CCDC170: variants seen among roughly 807,000 people sequenced by gnomAD.
CCDC170 encodes the protein coiled-coil domain containing 170.
Under a neutral mutation model 72.6 loss-of-function variants are expected in CCDC170, and 69 were observed. The observed-to-expected ratio is 0.95, with a 90% CI of 0.78 to 1.16. The LOEUF (loss-of-function observed/expected upper bound fraction) is 1.16, where lower values mean the gene tolerates loss of function less well. CCDC170 is among the 50% of genes most tolerant of loss of function. The pLI is 0.00. For missense variants in CCDC170, 852 were observed against 832.5 expected, an observed-to-expected ratio of 1.02 and a Z score of -0.29; for synonymous variants, 300 against 303.9, an observed-to-expected ratio of 0.99 and a Z score of 0.13.
chr6:151,496,020 A>G (rs1387232370), intron 1 of CCDC170, among the ~76,000 whole-genome samples: 2 of 152,104 alleles, frequency 1.3e-5, no homozygotes, highest in Non-Finnish European at 2.9e-5. Context: ...TTATGTCTCC[A>G]GTCTCTTCAA....
intron 6 of CCDC170, 38 bp from the exon 7 acceptor site, chr6:151,585,851 A>C: frequency 6.3e-7 from 1 of 1,597,752 alleles, no homozygotes; most frequent in Non-Finnish European, 8.6e-7. Flanking sequence ...CTTGCATCTG[A>C]AACAAGGCTT....
At chr6:151,600,389 G>T (rs963777419) in intron 9 of CCDC170, among the ~76,000 whole-genome samples, 2 of 152,104 alleles carry the variant, frequency 1.3e-5, no homozygotes, top group Admixed American at 1.3e-4. Context: ...ACTCAATCCC[G>T]CTAACAGTCC....
chr6:151,505,792 C>A (rs554815371), intron 1 of CCDC170, among the ~76,000 whole-genome samples: 49 of 152,272 alleles, frequency 3.2e-4, no homozygotes, highest in African/African-American at 1.1e-3. Context: ...AGAAAGCCTA[C>A]TTCTTAAAAA....
intron 9 of CCDC170, among the ~76,000 whole-genome samples, chr6:151,602,062 C>G (rs1293732748): frequency 6.6e-6 from 1 of 152,086 alleles, no homozygotes; most frequent in African/African-American, 2.4e-5. Context: ...AGCTTTTGTA[C>G]TCGTTTCTAT....
chr6:151,598,030 G>A (rs767380621), intron 9 of CCDC170, among the ~76,000 whole-genome samples: 2 of 152,186 alleles, frequency 1.3e-5, no homozygotes, highest in Non-Finnish European at 2.9e-5. Context: ...CCCTGCTGAA[G>A]CCCTTCTGCC....
chr6:151,569,056 C>T (rs180946368), intron 5 of CCDC170, among the ~76,000 whole-genome samples: 1 of 152,236 alleles, frequency 6.6e-6, no homozygotes, highest in East Asian at 1.9e-4. Context: ...ATGTATGAGA[C>T]TACCTGTTTG....
chr6:151,577,124 G>C (rs760100149), intron 6 of CCDC170, among the ~76,000 whole-genome samples: 1 of 152,090 alleles, frequency 6.6e-6, no homozygotes, highest in African/African-American at 2.4e-5. Flanking sequence ...CTATATCTTA[G>C]AGCAAGGTTT....
At chr6:151,554,283 G>C (rs948627438) in intron 5 of CCDC170, among the ~76,000 whole-genome samples, 2 of 152,182 alleles carry the variant, frequency 1.3e-5, no homozygotes, top group Admixed American at 6.5e-5. Flanking sequence ...AAATCAATGA[G>C]ATCAGAAACT....
At chr6:151,517,073 C>T (rs142256338) in intron 1 of CCDC170, among the ~76,000 whole-genome samples, 3,491 of 152,278 alleles carry the variant, frequency 0.023, 61 homozygotes, top group South Asian at 0.039. Context: ...CAGTGGCTCA[C>T]GCCTATAATC....
chr6:151,509,850 C>T (rs1462700972), intron 1 of CCDC170, among the ~76,000 whole-genome samples: 2 of 152,110 alleles, frequency 1.3e-5, no homozygotes, highest in Non-Finnish European at 2.9e-5. Context: ...AGAGGCCAGG[C>T]GTGGTGGCTC....
chr6:151,525,224 A>G (rs541771506), intron 1 of CCDC170, among the ~76,000 whole-genome samples: 5 of 151,862 alleles, frequency 3.3e-5, no homozygotes, highest in African/African-American at 4.8e-5. Context: ...GAGCCACCAC[A>G]CCCAGCCTAG....
At chr6:151,509,174 C>G (rs978747380) in intron 1 of CCDC170, among the ~76,000 whole-genome samples, 10 of 152,122 alleles carry the variant, frequency 6.6e-5, no homozygotes, top group Non-Finnish European at 1.2e-4. Context: ...CTCTTTCTCT[C>G]TCTCTCTCTC....
At chr6:151,541,882 A>T (rs1166229825) in intron 3 of CCDC170, among the ~76,000 whole-genome samples, 30 of 58,526 alleles carry the variant, frequency 5.1e-4, no homozygotes, top group Non-Finnish European at 7.5e-4. Context: ...ATATATATAT[A>T]TATATTTTTT....
chr6:151,593,298 T>G lies in CCDC170; in HGVS notation c.1467+18T>G, dbSNP rs772317681. ...AGAGAAAGGTAGGAGATATTGAAAC[T>G]TGCTAGTATTGAGAGAAGAAATTTC... On this transcript the variant is annotated intron_variant, in intron 8 of 10. Coordinates refer to ENST00000239374, the MANE Select transcript of CCDC170 (RefSeq NM_025059.4). The G allele has an allele frequency of 1.2e-6, 2 of 1,603,774 alleles. No homozygotes were observed. Among genetic ancestry groups the G allele is most frequent in the African/African-American group, 2.7e-5 (2 of 74,754 alleles).
intron 1 of CCDC170, among the ~76,000 whole-genome samples, chr6:151,495,026 CTT>C (rs1781889977): frequency 6.6e-6 from 1 of 152,200 alleles, no homozygotes; most frequent in Non-Finnish European, 1.5e-5. Context: ...GAGGATTTTT[CTT>C]TCTTTCCAAA....
intron 7 of CCDC170, among the ~76,000 whole-genome samples, chr6:151,588,104 T>C (rs910582453): frequency 6.6e-6 from 1 of 152,182 alleles, no homozygotes; most frequent in Non-Finnish European, 1.5e-5. Context: ...TGGGTCAGTC[T>C]AATGACTCAG....
intron 6 of CCDC170, among the ~76,000 whole-genome samples, chr6:151,579,468 T>C (rs1280304682): frequency 6.6e-6 from 1 of 152,260 alleles, no homozygotes; most frequent in Non-Finnish European, 1.5e-5. Context: ...AGCTGTTTTC[T>C]TCTCTCTGGA....
Position 151,575,561 on chromosome 6 carries a change from G to A in CCDC170, c.1092+2070G>A, listed in dbSNP as rs190916701. On this transcript the variant is annotated intron_variant, in intron 6 of 10. Coordinates refer to ENST00000239374, the MANE Select transcript of CCDC170 (RefSeq NM_025059.4). ...TTTTTTTTTTTTGAGATGGAGTCTC[G>A]CTCTGTCACCCAGGCCAGAGTGCAG... Among the ~76,000 whole-genome samples, 543 of 98,234 alleles carry A rather than the reference G, an allele frequency of 5.5e-3. 5 individuals carry two copies. The highest frequency in any genetic ancestry group is 0.02 in the African/African-American group (505 of 24,836). The allele number at this position is 98,234 out of a possible 152,430, so 64.4% of individuals were successfully genotyped here. A position where few individuals can be genotyped will look rare whatever the true frequency, so the allele number is the denominator to read the frequency against.
chr6:151,587,847 C>A (rs532643107), intron 7 of CCDC170, among the ~76,000 whole-genome samples: 3 of 152,198 alleles, frequency 2.0e-5, no homozygotes, highest in South Asian at 4.2e-4. Context: ...GGAGCAATGA[C>A]TTTTTTTCTG....
Sources: allele counts gnomAD v4.1 joint callset (sites outside exome capture counted in the v4.1 genomes callset), GRCh38; gene constraint gnomAD v4.1.1; transcripts MANE v1.5; gene names NCBI Gene and HGNC (gene_info 2026-07-23, HGNC 2026-07-21).